GPC5: variants seen among roughly 807,000 people sequenced by gnomAD.
GPC5 encodes glypican-5.
Under a neutral mutation model 53.9 loss-of-function variants are expected in GPC5, and 47 were observed. The ratio of observed to expected loss-of-function variants is 0.87; its 90% confidence interval spans 0.69 to 1.11. GPC5 has a LOEUF of 1.11. Ranked by LOEUF, GPC5 falls within the 50% of genes most tolerant of loss-of-function variation. The pLI, the probability that GPC5 is intolerant of heterozygous loss-of-function variation, is 0.00. For synonymous variants in GPC5, 286 were observed against 263.3 expected (o/e 1.09, Z -0.84); for missense variants, 748 against 713.1 (o/e 1.05, Z -0.56).
At chr13:91,829,876 C>T (rs1298665838) in intron 5 of GPC5, among the ~76,000 whole-genome samples, 2 of 151,992 alleles carry the variant, frequency 1.3e-5, no homozygotes, top group African/African-American at 2.4e-5. Context: ...AAGTACTTCA[C>T]AAGGTCATAG....
At chr13:92,208,502 C>T (rs1340938701) in intron 7 of GPC5, among the ~76,000 whole-genome samples, 1 of 152,198 alleles carries the variant, frequency 6.6e-6, no homozygotes, top group Non-Finnish European at 1.5e-5. Context: ...GAATTGCTGT[C>T]CATAAGCCAA....
chr13:91,915,963 T>G (rs1018615722), intron 6 of GPC5, among the ~76,000 whole-genome samples: 10 of 152,186 alleles, frequency 6.6e-5, no homozygotes, highest in African/African-American at 2.4e-4. Flanking sequence ...CAAAATAACT[T>G]TCCTTCAGTC....
chr13:91,713,612 G>A (rs2036274645), intron 3 of GPC5, among the ~76,000 whole-genome samples: 2 of 152,076 alleles, frequency 1.3e-5, no homozygotes, highest in South Asian at 4.1e-4. Flanking sequence ...TTGTTTATAT[G>A]TATCCAAGAA....
intron 7 of GPC5, among the ~76,000 whole-genome samples, chr13:92,203,990 G>A (rs1309871079): frequency 2.6e-5 from 4 of 152,116 alleles, no homozygotes; most frequent in African/African-American, 9.7e-5. Flanking sequence ...AAGTCAGAAT[G>A]CAGTGGTTTA....
intron 6 of GPC5, among the ~76,000 whole-genome samples, chr13:92,051,480 A>C (rs897830990): frequency 1.3e-5 from 2 of 151,562 alleles, no homozygotes; most frequent in Non-Finnish European, 2.9e-5. Flanking sequence ...GATTACAGGC[A>C]TGAGCTACTG....
At chr13:91,621,033 A>T (rs554199032) in intron 2 of GPC5, among the ~76,000 whole-genome samples, 1 of 152,260 alleles carries the variant, frequency 6.6e-6, no homozygotes, top group East Asian at 1.9e-4. Context: ...AGAATTATCT[A>T]TGTCCAACGT....
chr13:91,642,546 A>C (rs1324631032), intron 2 of GPC5, among the ~76,000 whole-genome samples: 1 of 152,170 alleles, frequency 6.6e-6, no homozygotes, highest in African/African-American at 2.4e-5. Flanking sequence ...GTCAGCCACC[A>C]CAGAAAGGTC....
intron 2 of GPC5, among the ~76,000 whole-genome samples, chr13:91,686,947 T>C (rs1032285728): frequency 6.6e-6 from 1 of 152,024 alleles, no homozygotes; most frequent in Admixed American, 6.6e-5. Flanking sequence ...TAAAATCATC[T>C]GATTTTCTAT....
intron 7 of GPC5, among the ~76,000 whole-genome samples, chr13:92,751,408 T>A (rs1404084675): frequency 6.8e-6 from 1 of 146,610 alleles, no homozygotes; most frequent in Non-Finnish European, 1.5e-5. Context: ...AGATGCACAA[T>A]TAACTTAAAG....
In GPC5 at chr13:91,803,636, C is replaced by T. The variant is rs560261843; in HGVS notation, c.1280+47216C>T. Among the ~76,000 whole-genome samples the T allele has an allele frequency of 1.1e-3, 172 of 152,150 alleles. 2 individuals are homozygous for T. In the South Asian group the frequency reaches 0.013, roughly 12 times the overall value. Reference sequence around the variant, plus strand: ...CCAGGCTTGGCCAATCAGAATTTTTCGTAAGATTGTTACATTAAGTTTAAC... The same window carrying T: ...CCAGGCTTGGCCAATCAGAATTTTTTGTAAGATTGTTACATTAAGTTTAAC... On this transcript the variant is annotated intron_variant, in intron 5 of 7. Coordinates refer to ENST00000377067, the MANE Select transcript of GPC5 (RefSeq NM_004466.6).
At chr13:92,798,289 A>G (rs545512687) in intron 7 of GPC5, among the ~76,000 whole-genome samples, 130 of 152,048 alleles carry the variant, frequency 8.5e-4, no homozygotes, top group African/African-American at 3.0e-3. Context: ...ATGCAGCACA[A>G]GATGATATAC....
chr13:92,376,946 C>T (rs144988219), intron 7 of GPC5, among the ~76,000 whole-genome samples: 22 of 151,562 alleles, frequency 1.5e-4, no homozygotes, highest in African/African-American at 4.4e-4. Flanking sequence ...AACCCAGGAG[C>T]GGAGGTTGCA....
chr13:91,405,915 G>A (rs749261473), intron 1 of GPC5, among the ~76,000 whole-genome samples: 4 of 152,156 alleles, frequency 2.6e-5, no homozygotes, highest in Non-Finnish European at 5.9e-5. Flanking sequence ...GGGCCCGTAG[G>A]TGCATGCCAC....
At chr13:92,504,176 A>G (rs907231538) in intron 7 of GPC5, among the ~76,000 whole-genome samples, 36 of 152,008 alleles carry the variant, frequency 2.4e-4, no homozygotes, top group Admixed American at 1.3e-4. Context: ...TAGCAGGATT[A>G]TAGGATACAA....
intron 7 of GPC5, among the ~76,000 whole-genome samples, chr13:92,494,064 G>A (rs200331745): frequency 7.7e-6 from 1 of 129,080 alleles, no homozygotes. Context: ...GTTTTTTTTT[G>A]TTTGTTTGTT....
intron 2 of GPC5, among the ~76,000 whole-genome samples, chr13:91,492,424 G>T (rs1160070449): frequency 1.3e-5 from 2 of 152,192 alleles, no homozygotes; most frequent in African/African-American, 2.4e-5. Context: ...GAAGGCCTGA[G>T]AATCTGGGGT....
At chr13:92,146,003 T>C (rs1382467576) in intron 7 of GPC5, among the ~76,000 whole-genome samples, 6 of 152,108 alleles carry the variant, frequency 3.9e-5, no homozygotes, top group Non-Finnish European at 8.8e-5. Context: ...GCCAAATATA[T>C]TGGTTTAAAA....
At chr13:92,617,143 G>T (rs1384101616) in intron 7 of GPC5, among the ~76,000 whole-genome samples, 5 of 152,168 alleles carry the variant, frequency 3.3e-5, no homozygotes, top group Admixed American at 3.3e-4. Flanking sequence ...TGAGTACTTT[G>T]CCCTGAAGGA....
At chr13:92,314,022 G>A (rs16947357) in intron 7 of GPC5, among the ~76,000 whole-genome samples, 3,447 of 152,206 alleles carry the variant, frequency 0.023, 143 homozygotes, top group African/African-American at 0.079. Flanking sequence ...AACACTAATT[G>A]CATTACAATT....
Sources: allele counts gnomAD v4.1 joint callset (sites outside exome capture counted in the v4.1 genomes callset), GRCh38; gene constraint gnomAD v4.1.1; transcripts MANE v1.5; gene names NCBI Gene and HGNC (gene_info 2026-07-23, HGNC 2026-07-21).